The following SHISA6 variants were observed in gnomAD, a reference collection of about 807,000 sequenced individuals.
SHISA6 encodes shisa family member 6, also known as protein shisa-6.
Under a neutral mutation model 47.9 loss-of-function variants are expected in SHISA6, and 22 were observed. The ratio of observed to expected loss-of-function variants is 0.46; its 90% CI spans 0.33 to 0.66. The LOEUF (loss-of-function observed/expected upper bound fraction) is 0.66, where lower values mean the gene tolerates loss of function less well. Among genes scored for constraint, SHISA6 ranks in the 30% least tolerant of loss-of-function variants. The pLI, the probability that SHISA6 is intolerant of heterozygous loss-of-function variation, is 0.02. For synonymous variants in SHISA6, 388 were observed against 337.8 expected (o/e 1.15, Z -1.63); for missense variants, 680 against 764.6 (o/e 0.89, Z 1.30).
chr17:11,302,367 T>C (rs979009025), intron 2 of SHISA6, among the ~76,000 whole-genome samples: 1 of 152,254 alleles, frequency 6.6e-6, no homozygotes, highest in South Asian at 2.1e-4. Flanking sequence ...GTTCTTATTC[T>C]GCACATGAGG....
intron 3 of SHISA6, among the ~76,000 whole-genome samples, chr17:11,411,701 A>G (rs913021217): frequency 1.3e-5 from 2 of 152,094 alleles, no homozygotes; most frequent in African/African-American, 2.4e-5. Context: ...CTGGCCTCCA[A>G]AATCACTTCT....
intron 3 of SHISA6, among the ~76,000 whole-genome samples, chr17:11,386,815 T>C (rs1913211267): frequency 6.6e-6 from 1 of 152,016 alleles, no homozygotes; most frequent in South Asian, 2.1e-4. Context: ...CTCAGTGAAA[T>C]GGAAAGCAAA....
chr17:11,259,697 C>T (rs1469503304), intron 1 of SHISA6, among the ~76,000 whole-genome samples: 3 of 152,202 alleles, frequency 2.0e-5, no homozygotes, highest in African/African-American at 4.8e-5. Context: ...TAAGCAAATA[C>T]ATAATTGGTA....
rs570831471 is a variant in SHISA6 at position 11,267,993 on chromosome 17, G to A, written c.799+4467G>A. Among the ~76,000 whole-genome samples the A allele has an allele frequency of 7.2e-5, 11 of 152,320 alleles. No homozygotes were observed. The South Asian group carries it at 2.1e-3, about 29-fold the overall frequency. On this transcript the variant is annotated intron_variant, in intron 2 of 5. Transcript: ENST00000441885. ...TGGGCTTGCTTTTCGTAGATGGGGA[G>A]CAGGAGAGACCCAGCATGTTTGCCT...
chr17:11,329,411 T>C (rs1322468842), intron 2 of SHISA6, among the ~76,000 whole-genome samples: 1 of 152,216 alleles, frequency 6.6e-6, no homozygotes, highest in African/African-American at 2.4e-5. Context: ...CATTTACTGT[T>C]ATCTCGGAGA....
At chr17:11,486,473 G>A (rs942409776) in intron 3 of SHISA6, among the ~76,000 whole-genome samples, 8 of 152,196 alleles carry the variant, frequency 5.3e-5, no homozygotes, top group Non-Finnish European at 7.3e-5. Flanking sequence ...CACAGCCACC[G>A]TAAATATGCA....
At position 11,350,182 on chromosome 17, in the gene SHISA6, A is replaced by ATTTAT. The variant is rs964679787; in HGVS notation, c.800-29229_800-29228insATTTT. ...AATTTATTTATTTATTTATTTATTTATTTTTTTTTTTTTTTGAGACGGAGT... is the reference window on the plus strand; with the variant it reads ...AATTTATTTATTTATTTATTTATTTATTTATTTTTTTTTTTTTTTTGAGACGGAGT... On this transcript the variant is annotated intron_variant, in intron 2 of 5. Transcript: ENST00000441885. Among the ~76,000 whole-genome samples the ATTTAT allele has an allele frequency of 9.5e-5, 11 of 116,264 alleles. No individual in the cohort carries two copies. The South Asian group carries it at 1.2e-3, about 12-fold the overall frequency. 76.3% of individuals were successfully genotyped at this position (116,264 alleles called of 152,430 possible).
At chr17:11,524,051 A>AAGAAGAAAGAAAGAAAGAT (rs1400893016) in intron 3 of SHISA6, among the ~76,000 whole-genome samples, 3 of 151,396 alleles carry the variant, frequency 2.0e-5, no homozygotes, top group African/African-American at 7.3e-5. Flanking sequence ...AAGAAAGAAA[A>AAGAAGAAAGAAAGAAAGAT]AGAAGAAAGA....
chr17:11,457,690 G>A (rs868729047), intron 3 of SHISA6, among the ~76,000 whole-genome samples: 1 of 149,110 alleles, frequency 6.7e-6, no homozygotes, highest in Non-Finnish European at 1.5e-5. Context: ...GCAGTAAGCC[G>A]AGACCACGCC....
At chr17:11,365,213 A>G (rs188444714) in intron 2 of SHISA6, among the ~76,000 whole-genome samples, 4 of 152,242 alleles carry the variant, frequency 2.6e-5, no homozygotes, top group Non-Finnish European at 5.9e-5. Context: ...GATACTATTC[A>G]GGTAAAGAAA....
intron 3 of SHISA6, among the ~76,000 whole-genome samples, chr17:11,406,545 A>G (rs969775860): frequency 6.6e-6 from 1 of 152,198 alleles, no homozygotes; most frequent in Admixed American, 6.5e-5. Context: ...AATGTCTACT[A>G]TAATCCTTAG....
At chr17:11,401,169 C>A (rs1001469491) in intron 3 of SHISA6, among the ~76,000 whole-genome samples, 2 of 152,118 alleles carry the variant, frequency 1.3e-5, no homozygotes, top group African/African-American at 4.8e-5. Flanking sequence ...GGACACTTGG[C>A]CTTATTCCAG....
chr17:11,315,774 T>G (rs1442619848), intron 2 of SHISA6, among the ~76,000 whole-genome samples: 1 of 152,210 alleles, frequency 6.6e-6, no homozygotes, highest in Non-Finnish European at 1.5e-5. Flanking sequence ...ACACTGATAA[T>G]TTGTTTGCCA....
In SHISA6 at chr17:11,558,190, G is replaced by A. The variant is rs754992005; in HGVS notation, c.1542G>A (p.Thr514=). 3.4e-5 allele frequency: 53 copies of A among 1,545,256 alleles called. 1 individual carries two copies. The highest frequency in any genetic ancestry group is 2.3e-4 in the South Asian group (19 of 84,062). The stretch of plus-strand genomic sequence containing the variant: ...ACGCCACCCTGGGCCAGAGCCAGAC[G>A]GCAGCCAAGCGTCATGCCTTTGCCT... ...NSYATLGQSQ[T]AAKRHAFASR... is the part of the protein sequence containing the mutation. Residue 514 remains threonine, a synonymous_variant, in exon 6 of 6, where the codon ACG becomes ACA. Coordinates refer to ENST00000441885, the MANE Select transcript of SHISA6 (RefSeq NM_207386.4).
intron 3 of SHISA6, among the ~76,000 whole-genome samples, chr17:11,391,362 A>G (rs943914655): frequency 2.9e-4 from 44 of 152,306 alleles, no homozygotes; most frequent in African/African-American, 6.0e-4. Flanking sequence ...ACAGAGCTAG[A>G]AAGGCGGGTT....
chr17:11,500,257 G>C (rs1475083689), intron 3 of SHISA6, among the ~76,000 whole-genome samples: 1 of 152,178 alleles, frequency 6.6e-6, no homozygotes, highest in Non-Finnish European at 1.5e-5. Context: ...ACTTACGGGA[G>C]GTGTCAGAAG....
At chr17:11,286,610 T>C (rs1028433315) in intron 2 of SHISA6, among the ~76,000 whole-genome samples, 15 of 152,320 alleles carry the variant, frequency 9.8e-5, no homozygotes, top group African/African-American at 3.6e-4. Context: ...GAAATGTTTC[T>C]GGGGAATCAC....
At chr17:11,435,350 C>G (rs1464381328) in intron 3 of SHISA6, among the ~76,000 whole-genome samples, 1 of 151,998 alleles carries the variant, frequency 6.6e-6, no homozygotes, top group East Asian at 1.9e-4. Context: ...TAAACTATAA[C>G]AAAAGTCTCA....
At chr17:11,535,182 G>C (rs924805732) in intron 3 of SHISA6, among the ~76,000 whole-genome samples, 4 of 152,092 alleles carry the variant, frequency 2.6e-5, no homozygotes, top group African/African-American at 9.7e-5. Flanking sequence ...GTGCAGGAAA[G>C]CAGGTATAAG....
Sources: allele counts gnomAD v4.1 joint callset (sites outside exome capture counted in the v4.1 genomes callset), GRCh38; gene constraint gnomAD v4.1.1; transcripts MANE v1.5; gene names NCBI Gene and HGNC (gene_info 2026-07-23, HGNC 2026-07-21).